Variants in GGH observed in about 807,000 individuals in gnomAD.
The protein encoded by GGH is gamma-Glu-X carboxypeptidase.
A neutral mutation model predicts 39.2 loss-of-function variants in GGH; 18 were observed. The ratio of observed to expected loss-of-function variants is 0.46; its 90% CI spans 0.32 to 0.68. The LOEUF (loss-of-function observed/expected upper bound fraction) is 0.68, where lower values mean the gene tolerates loss of function less well. Among genes scored for constraint, GGH ranks in the 30% least tolerant of loss-of-function variants. The pLI is 0.04. For missense variants in GGH, 367 were observed against 384.1 expected (o/e 0.96, Z 0.37); for synonymous variants, 147 against 138.8 (o/e 1.06, Z -0.42).
At chr8:63,036,343 A>C (rs766267769) in intron 1 of GGH, among the ~76,000 whole-genome samples, 2 of 152,242 alleles carry the variant, frequency 1.3e-5, no homozygotes, top group Non-Finnish European at 2.9e-5. Context: ...CTATTCCTAC[A>C]GTCATTCAAT....
rs1195242415 is a variant in GGH at position 63,026,295 on chromosome 8, C to A, written c.362G>T (p.Ser121Ile). Residue 121 changes from serine to isoleucine, a missense_variant and splice_region_variant, in exon 5 of 9, where the codon AGT (serine) becomes ATT (isoleucine). By Grantham distance (142) the Ser-to-Ile change is moderately radical. Transcript: ENST00000260118. The stretch of plus-strand genomic sequence containing the variant: ...AGGAAAATAGTCTCCATCATCAAAA[C>A]TCTTTGCAAGTGGAAAAAGAGAAAA... The part of the protein sequence containing the change: ...AKIFYNLSIQ[S>I]FDDGDYFPVW... 9 of 1,593,608 alleles carry A rather than the reference C, an allele frequency of 5.6e-6. No individual in the cohort carries two copies. The highest frequency in any genetic ancestry group is 7.7e-6 in the Non-Finnish European group (9 of 1,172,988).
chr8:63,029,679 G>A (rs1365983166), intron 3 of GGH, among the ~76,000 whole-genome samples: 1 of 151,926 alleles, frequency 6.6e-6, no homozygotes, highest in East Asian at 1.9e-4. Context: ...GCCCCATAGA[G>A]TATAAGCAAA....
chr8:63,016,873 G>A (rs1411069247), intron 8 of GGH, among the ~76,000 whole-genome samples: 2 of 152,176 alleles, frequency 1.3e-5, no homozygotes, highest in Non-Finnish European at 2.9e-5. Context: ...GTATGCCAAT[G>A]CCTACAGAGA....
chr8:63,030,343 C>G (rs1804779695), intron 2 of GGH, 126 bp from the exon 3 acceptor site: 5 of 564,334 alleles, frequency 8.9e-6, no homozygotes, highest in Non-Finnish European at 1.3e-5. Flanking sequence ...AATATTACCT[C>G]TCTACTTTTC....
chr8:63,027,051 T>G, intron 4 of GGH, 130 bp downstream of exon 4: 1 of 683,368 alleles, frequency 1.5e-6, no homozygotes, highest in South Asian at 1.6e-5. Context: ...AACAGGCACC[T>G]CAAAATTAAA....
chr8:63,025,615 C>T (rs1027158215), intron 5 of GGH, among the ~76,000 whole-genome samples: 3 of 152,030 alleles, frequency 2.0e-5, no homozygotes, highest in Non-Finnish European at 2.9e-5. Flanking sequence ...CCTGTAGTCC[C>T]AGCTACTCAG....
intron 5 of GGH, chr8:63,024,954 A>G (rs189531799): frequency 1.3e-5 from 2 of 152,212 alleles, no homozygotes; most frequent in South Asian, 4.1e-4. Flanking sequence ...AATGGAAGAA[A>G]GAGCTTTCAA....
At position 63,035,778 on chromosome 8, in the gene GGH, CA is replaced by C. The variant is rs767655894; in HGVS notation, c.110-9del. ...ATTTTTGCATTAATATTCCTAATAA[CA>C]AAAAAAAGTTTAGTTTCAAGCAAAT... is the stretch of plus-strand genomic sequence containing the variant. On this transcript the variant is annotated splice_polypyrimidine_tract_variant and intron_variant, in intron 1 of 8. Coordinates refer to ENST00000260118, the MANE Select transcript of GGH (RefSeq NM_003878.3). The C allele has an allele frequency of 3.0e-5, 48 of 1,594,748 alleles. No homozygotes were observed. Among genetic ancestry groups the C allele is most frequent in the African/African-American group, 8.1e-5 (6 of 73,626 alleles).
At chr8:63,024,286 A>T in intron 5 of GGH, 100 bp from the exon 6 acceptor site, 1 of 654,020 alleles carries the variant, frequency 1.5e-6, no homozygotes, top group Non-Finnish European at 2.7e-6. Flanking sequence ...ATGAAGACAT[A>T]ATCAAGATGA....
At chr8:63,019,551 G>A (rs1804548403) in intron 7 of GGH, among the ~76,000 whole-genome samples, 1 of 152,216 alleles carries the variant, frequency 6.6e-6, no homozygotes, top group African/African-American at 2.4e-5. Flanking sequence ...CCAAGAGATG[G>A]AAGTGGTCCA....
At chr8:63,034,586 T>C (rs914531577) in intron 2 of GGH, among the ~76,000 whole-genome samples, 10 of 152,198 alleles carry the variant, frequency 6.6e-5, no homozygotes, top group African/African-American at 2.4e-4. Flanking sequence ...AAGATTCTGG[T>C]TGTTAGCTCC....
chr8:63,023,440 T>C (rs1804630770), intron 7 of GGH: 1 of 152,806 alleles, frequency 6.5e-6, no homozygotes, highest in African/African-American at 2.4e-5. Context: ...TAGAGAGTCC[T>C]GACTTTGTCT....
Position 63,024,115 on chromosome 8 carries a change from T to G in GGH, c.571A>C (p.Thr191Pro). Residue 191 changes from threonine (T) to proline (P), a missense_variant, in exon 6 of 9, where the codon ACT becomes CCT. Physicochemically the swap from Thr to Pro is conservative, Grantham distance 38. Transcript: ENST00000260118. ...LLLSLAVEPLTANFHKWSLSV... is the reference protein window; with the variant it reads ...LLLSLAVEPLPANFHKWSLSV... ...AGGCTCCACTTATGGAAATTGGCAG[T>G]CAGAGGTTCTACTGCTAATGACAGC... The G allele has an allele frequency of 6.2e-7, 1 of 1,610,758 alleles. No homozygotes were observed. The highest frequency in any genetic ancestry group is 8.5e-7 in the Non-Finnish European group (1 of 1,177,128).
chr8:63,028,374 GT>G (rs1283788881), intron 3 of GGH: 1 of 151,878 alleles, frequency 6.6e-6, no homozygotes, highest in Non-Finnish European at 1.5e-5. Context: ...CATTAACTTA[GT>G]ATTTAAAAAG....
intron 2 of GGH, among the ~76,000 whole-genome samples, chr8:63,033,066 T>C (rs1406031342): frequency 1.3e-5 from 2 of 152,218 alleles, no homozygotes; most frequent in East Asian, 3.8e-4. Flanking sequence ...TTTAGGCATT[T>C]TGTTTTATTT....
At chr8:63,037,428 C>A (rs905880711) in intron 1 of GGH, among the ~76,000 whole-genome samples, 1 of 152,108 alleles carries the variant, frequency 6.6e-6, no homozygotes, top group South Asian at 2.1e-4. Flanking sequence ...TGGGCCCACG[C>A]ATATTCACTT....
intron 7 of GGH, among the ~76,000 whole-genome samples, chr8:63,023,026 G>C (rs1158502455): frequency 6.6e-6 from 1 of 152,092 alleles, no homozygotes; most frequent in Non-Finnish European, 1.5e-5. Flanking sequence ...TTGTGCATTA[G>C]TAGTATTTTG....
chr8:63,015,393 T>G lies in GGH; in HGVS notation c.896A>C (p.Gln299Pro). ...ESEEEKALIY[Q>P]FSPIYTGNIS... is the part of the protein sequence containing the mutation. The stretch of plus-strand genomic sequence containing the variant: ...ATTTCCAGTATAAATTGGACTGAAC[T>G]GATAAATCAATGCTTTCTCCTCTTC... Residue 299 changes from glutamine to proline, a missense_variant, in exon 9 of 9, where the codon CAG becomes CCG. By Grantham distance (76) the Gln-to-Pro change is moderately conservative (BLOSUM62 -1). Coordinates refer to ENST00000260118, the MANE Select transcript of GGH (RefSeq NM_003878.3). The G allele has an allele frequency of 5.6e-6, 8 of 1,439,078 alleles. No individual in the cohort carries two copies. The highest frequency in any genetic ancestry group is 7.8e-6 in the Non-Finnish European group (8 of 1,031,488). 89.1% of individuals were successfully genotyped at this position (1,439,078 alleles called of 1,614,324 possible).
chr8:63,019,946 A>G (rs1183136995), intron 7 of GGH, among the ~76,000 whole-genome samples: 1 of 152,260 alleles, frequency 6.6e-6, no homozygotes, highest in African/African-American at 2.4e-5. Flanking sequence ...TTCAATTCAC[A>G]GGACCCTCAG....
Sources: gnomAD v4.1 joint callset for allele counts (sites outside exome capture counted in the v4.1 genomes callset) on GRCh38, gnomAD v4.1.1 for gene constraint, MANE v1.5 for transcripts, NCBI Gene and HGNC (gene_info 2026-07-23, HGNC 2026-07-21) for gene names.